The following KIFAP3 variants were observed in gnomAD, a reference collection of about 807,000 sequenced individuals.
The protein encoded by KIFAP3 is kinesin-associated protein 3.
A neutral mutation model predicts 106.5 loss-of-function variants in KIFAP3; 68 were observed. The observed-to-expected ratio is 0.64, with a 90% CI of 0.53 to 0.78. The LOEUF is 0.78. KIFAP3 is among the 30% of genes least tolerant of loss of function. The pLI, the probability that KIFAP3 is intolerant of heterozygous loss-of-function variation, is 0.00. For missense variants in KIFAP3, 780 were observed against 941.8 expected (o/e 0.83, Z 2.25); for synonymous variants, 320 against 311.5 (o/e 1.03, Z -0.29).
intron 19 of KIFAP3, among the ~76,000 whole-genome samples, chr1:169,942,910 G>GCCCCCCCCCCCCCCCCCC (rs11396543): frequency 9.5e-6 from 1 of 105,808 alleles, no homozygotes; most frequent in South Asian, 4.1e-4. Context: ...TTTTAAAGAC[G>GCCCCCCCCCCCCCCCCCC]CCCCCCCCCA....
chr1:170,006,018 T>A (rs533145184), intron 10 of KIFAP3, among the ~76,000 whole-genome samples: 2 of 152,196 alleles, frequency 1.3e-5, no homozygotes, highest in Non-Finnish European at 2.9e-5. Context: ...CTAACATTTG[T>A]ATACGACTTT....
intron 10 of KIFAP3, among the ~76,000 whole-genome samples, chr1:169,994,624 A>G (rs1398027358): frequency 6.6e-6 from 1 of 152,134 alleles, no homozygotes. Flanking sequence ...CTTAAATAAA[A>G]TCTATAAATT....
intron 17 of KIFAP3, among the ~76,000 whole-genome samples, chr1:169,969,401 G>A (rs1000861019): frequency 2.6e-5 from 4 of 151,938 alleles, no homozygotes; most frequent in Admixed American, 6.6e-5. Context: ...CCATAACAAC[G>A]GGTGATGTAG....
At chr1:170,056,292 A>G (rs983668938) in intron 1 of KIFAP3, among the ~76,000 whole-genome samples, 3 of 152,228 alleles carry the variant, frequency 2.0e-5, no homozygotes, top group African/African-American at 7.2e-5. Flanking sequence ...AAGCATTTAC[A>G]GGTTAGGTAC....
intron 17 of KIFAP3, among the ~76,000 whole-genome samples, chr1:169,971,348 T>G (rs1665909436): frequency 6.6e-6 from 1 of 152,056 alleles, no homozygotes; most frequent in African/African-American, 2.4e-5. Context: ...AAATAGTACA[T>G]GAGCCATGAA....
chr1:169,975,689 A>G (rs1394847416), intron 16 of KIFAP3, among the ~76,000 whole-genome samples: 2 of 152,040 alleles, frequency 1.3e-5, no homozygotes, highest in Non-Finnish European at 2.9e-5. Context: ...ATCATAGCTC[A>G]CTGGAGCCTC....
intron 7 of KIFAP3, among the ~76,000 whole-genome samples, chr1:170,033,758 T>C (rs1486963927): frequency 6.6e-6 from 1 of 151,606 alleles, no homozygotes; most frequent in East Asian, 1.9e-4. Flanking sequence ...ATGGGTGAAA[T>C]AAATAAACAC....
At chr1:169,978,290 G>A in intron 15 of KIFAP3, 107 bp from the exon 16 acceptor site, 1 of 668,170 alleles carries the variant, frequency 1.5e-6, no homozygotes, top group South Asian at 1.9e-5. Flanking sequence ...GTGATAAGGA[G>A]ACAAGCAAGC....
At chr1:170,066,425 G>A (rs1671449876) in intron 1 of KIFAP3, among the ~76,000 whole-genome samples, 1 of 152,098 alleles carries the variant, frequency 6.6e-6, no homozygotes. Context: ...AGAGGATTAA[G>A]GTAATTCAAA....
chr1:169,925,914 T>G (rs1663107007), intron 19 of KIFAP3, among the ~76,000 whole-genome samples: 1 of 152,196 alleles, frequency 6.6e-6, no homozygotes, highest in African/African-American at 2.4e-5. Context: ...ACACAAGCCT[T>G]TTTCTTCTTT....
chr1:169,960,092 AGTG>A (rs1324943925), intron 18 of KIFAP3, among the ~76,000 whole-genome samples: 7 of 152,158 alleles, frequency 4.6e-5, no homozygotes, highest in Admixed American at 3.9e-4. Context: ...TGAAAGTGTG[AGTG>A]GTATTATTAA....
At chr1:169,926,473 TTACAC>T (rs1389814570) in intron 19 of KIFAP3, among the ~76,000 whole-genome samples, 1 of 152,098 alleles carries the variant, frequency 6.6e-6, no homozygotes, top group Admixed American at 6.6e-5. Context: ...ATATCTGACT[TTACAC>T]TATTGTAGGC....
chr1:170,060,840 C>T (rs893406356), intron 1 of KIFAP3, among the ~76,000 whole-genome samples: 2 of 152,024 alleles, frequency 1.3e-5, no homozygotes, highest in East Asian at 1.9e-4. Flanking sequence ...AGAACAGAGC[C>T]CTCAGAAATA....
intron 17 of KIFAP3, among the ~76,000 whole-genome samples, chr1:169,966,986 C>T (rs555839512): frequency 6.6e-6 from 1 of 151,396 alleles, no homozygotes; most frequent in African/African-American, 2.4e-5. Flanking sequence ...ATAATGCTGA[C>T]CATTTATGTT....
At chr1:170,028,351 T>C (rs1263997237) in intron 8 of KIFAP3, among the ~76,000 whole-genome samples, 4 of 152,202 alleles carry the variant, frequency 2.6e-5, no homozygotes, top group Admixed American at 1.3e-4. Context: ...TTTGGCTTTT[T>C]TTTCTGAGAC....
chr1:170,018,810 G>C (rs1203707574), intron 9 of KIFAP3, among the ~76,000 whole-genome samples: 1 of 151,960 alleles, frequency 6.6e-6, no homozygotes, highest in Non-Finnish European at 1.5e-5. Flanking sequence ...AATTGCTAAA[G>C]TGACAAATTA....
chr1:169,970,897 A>G (rs1571581989), intron 17 of KIFAP3, among the ~76,000 whole-genome samples: 1 of 152,014 alleles, frequency 6.6e-6, no homozygotes, highest in Admixed American at 6.6e-5. Flanking sequence ...AGCTGTTTGG[A>G]AACTTTGGAT....
chr1:170,026,636 T>A (rs1669117294), intron 8 of KIFAP3, among the ~76,000 whole-genome samples: 2 of 152,022 alleles, frequency 1.3e-5, no homozygotes, highest in African/African-American at 4.8e-5. Context: ...AACTCTGGAG[T>A]TCTAACAGAG....
At chr1:169,925,085 T>C (rs1387536043) in intron 19 of KIFAP3, among the ~76,000 whole-genome samples, 1 of 152,178 alleles carries the variant, frequency 6.6e-6, no homozygotes. Flanking sequence ...GTAGGGTGCA[T>C]GTCTCTGTAT....
Sources: allele counts gnomAD v4.1 joint callset (sites outside exome capture counted in the v4.1 genomes callset), GRCh38; gene constraint gnomAD v4.1.1; transcripts MANE v1.5; gene names NCBI Gene and HGNC (gene_info 2026-07-23, HGNC 2026-07-21).